The following TNFRSF8 variants were observed in gnomAD, a reference collection of about 807,000 sequenced individuals.
TNFRSF8 encodes TNF receptor superfamily member 8.
TNFRSF8 carries 26 observed loss-of-function variants against 70.8 expected under a neutral mutation model. The observed-to-expected ratio is 0.37, with a 90% CI of 0.27 to 0.51. The LOEUF is 0.51. TNFRSF8 is among the 20% of genes least tolerant of loss of function. The pLI, the probability that TNFRSF8 is intolerant of heterozygous loss-of-function variation, is 0.94. For synonymous variants in TNFRSF8, 356 were observed against 339.2 expected (o/e 1.05, Z -0.54); for missense variants, 720 against 807.9 (o/e 0.89, Z 1.32).
At position 12,112,790 on chromosome 1, in the gene TNFRSF8, C is replaced by T. The variant is rs150379201; in HGVS notation, c.793+776C>T. On this transcript the variant is annotated intron_variant, in intron 7 of 14. Coordinates refer to ENST00000263932, the MANE Select transcript of TNFRSF8 (RefSeq NM_001243.5). This position sits in a 1 kb window ranked among gnomAD's most constrained non-coding sequence, Gnocchi z 5.3. ...TGCCCAGCCCATCACAACCTCCCAG[C>T]GCCAGCAGCACCCCGAGGGGCATGT... Among the ~76,000 whole-genome samples the T allele has an allele frequency of 3.2e-3, 493 of 152,318 alleles. 6 individuals are homozygous for T. The highest frequency in any genetic ancestry group is 0.011 in the African/African-American group (452 of 41,576).
At chr1:12,084,695 T>G in intron 2 of TNFRSF8, 144 bp downstream of exon 2, 1 of 768,480 alleles carries the variant, frequency 1.3e-6, no homozygotes, top group Non-Finnish European at 2.2e-6. Context: ...ATTCCTAGTG[T>G]CGCGGAGTCC....
At chr1:12,127,580 G>A (rs962680337) in intron 12 of TNFRSF8, among the ~76,000 whole-genome samples, 1 of 152,230 alleles carries the variant, frequency 6.6e-6, no homozygotes, top group Non-Finnish European at 1.5e-5. Flanking sequence ...CCTTGCATAG[G>A]CTGACTGTTG....
At position 12,138,520 on chromosome 1, in the gene TNFRSF8, C is replaced by A; in HGVS notation, c.1543+84C>A. ...CGGGGCCCTGGGCCCTGGAAGGGAC[C>A]TGGAGACCCTGGAGTTGAAAGGCCC... On this transcript the variant is annotated intron_variant, in intron 14 of 14. Transcript: ENST00000263932. This position sits in a 1 kb window ranked among gnomAD's most constrained non-coding sequence, Gnocchi z 5.7. 7.6e-7 allele frequency: 1 copy of A among 1,309,122 alleles called. No homozygotes were observed. Among genetic ancestry groups the A allele is most frequent in the Non-Finnish European group, 1.0e-6 (1 of 965,206 alleles). 81.1% of individuals were successfully genotyped at this position (1,309,122 alleles called of 1,614,324 possible). A position where few individuals can be genotyped will look rare whatever the true frequency, so the allele number is the denominator to read the frequency against.
chr1:12,139,347 T>C (rs1407564184), intron 14 of TNFRSF8, among the ~76,000 whole-genome samples: 2 of 152,114 alleles, frequency 1.3e-5, no homozygotes, highest in East Asian at 3.8e-4. Flanking sequence ...CTGTCACTTC[T>C]GAGCTTCTCA....
intron 2 of TNFRSF8, among the ~76,000 whole-genome samples, chr1:12,093,738 A>G (rs1386861663): frequency 6.6e-6 from 1 of 151,974 alleles, no homozygotes; most frequent in Non-Finnish European, 1.5e-5. Context: ...ATGAGGTTTC[A>G]CCATGTTGGT....
At chr1:12,123,922 G>A in intron 10 of TNFRSF8, 95 bp downstream of exon 10, 1 of 1,127,900 alleles carries the variant, frequency 8.9e-7, no homozygotes, top group Non-Finnish European at 1.3e-6. Flanking sequence ...TCTCCTTTGT[G>A]GGTATGGTCT....
At chr1:12,118,790 C>T (rs1380807995) in intron 8 of TNFRSF8, among the ~76,000 whole-genome samples, 1 of 152,186 alleles carries the variant, frequency 6.6e-6, no homozygotes, top group Admixed American at 6.5e-5. Flanking sequence ...TTAAGCCTTG[C>T]CAGCAGAGGG....
At chr1:12,137,640 A>G (rs1274947462) in intron 13 of TNFRSF8, among the ~76,000 whole-genome samples, 1 of 151,472 alleles carries the variant, frequency 6.6e-6, no homozygotes, top group African/African-American at 2.4e-5. Flanking sequence ...TATAGAGGTC[A>G]CCGGGCTTGT....
intron 10 of TNFRSF8, among the ~76,000 whole-genome samples, chr1:12,124,235 C>T (rs548409733): frequency 6.6e-6 from 1 of 152,148 alleles, no homozygotes; most frequent in African/African-American, 2.4e-5. Context: ...TCTCAAACTC[C>T]TGACCTCAGG....
chr1:12,129,281 C>T (rs1014578024), intron 12 of TNFRSF8, among the ~76,000 whole-genome samples: 2 of 152,068 alleles, frequency 1.3e-5, no homozygotes, highest in African/African-American at 4.8e-5. Context: ...TCATTTTGAC[C>T]TGAACCATTT....
rs938248444 is a variant in TNFRSF8, at chr1:12,112,405, T to C, written c.793+391T>C. On this transcript the variant is annotated intron_variant, in intron 7 of 14. Transcript: ENST00000263932. The surrounding 1 kb of genome is among the most constrained non-coding windows in gnomAD (Gnocchi z 5.3). ...GAGCCACTTATTCTTTTTTTTTTTTTCCCAGACAGGGTCTCACTCCTTCAC... is the reference window on the plus strand; with the variant it reads ...GAGCCACTTATTCTTTTTTTTTTTTCCCCAGACAGGGTCTCACTCCTTCAC... Among the ~76,000 whole-genome samples, 14 of 151,560 alleles carry C rather than the reference T, an allele frequency of 9.2e-5. No individual in the cohort carries two copies. The highest frequency in any genetic ancestry group is 2.6e-4 in the Admixed American group (4 of 15,226).
intron 2 of TNFRSF8, 72 bp from the exon 3 acceptor site, chr1:12,097,029 G>A (rs994674693): frequency 3.5e-6 from 4 of 1,144,574 alleles, no homozygotes; most frequent in Non-Finnish European, 5.2e-6. Context: ...AGGGATGAGA[G>A]GTGTGGGGCA....
chr1:12,129,974 G>T (rs1236089403), intron 12 of TNFRSF8, among the ~76,000 whole-genome samples: 1 of 151,454 alleles, frequency 6.6e-6, no homozygotes, highest in Non-Finnish European at 1.5e-5. Context: ...GTGTGATCTC[G>T]GCTTACTGCA....
At position 12,063,774 on chromosome 1, in the gene TNFRSF8, G is replaced by T; in HGVS notation, c.63+113G>T. The stretch of plus-strand genomic sequence containing the variant: ...TCACCCCGTTCCCTGCCCAGCTGGA[G>T]TGAGGGGGCGCGGGTGACAAGCAGG... On this transcript the variant is annotated intron_variant, in intron 1 of 14. Coordinates refer to ENST00000263932, the MANE Select transcript of TNFRSF8 (RefSeq NM_001243.5). The surrounding 1 kb of genome is among the most constrained non-coding windows in gnomAD (Gnocchi z 7.2). 9.7e-7 allele frequency: 1 copy of T among 1,029,828 alleles called. No individual in the cohort carries two copies. Among genetic ancestry groups the T allele is most frequent in the Non-Finnish European group, 1.3e-6 (1 of 798,546 alleles). The allele number at this position is 1,029,828 out of a possible 1,614,324, so 63.8% of individuals were successfully genotyped here. A position where few individuals can be genotyped will look rare whatever the true frequency, so the allele number is the denominator to read the frequency against.
intron 12 of TNFRSF8, among the ~76,000 whole-genome samples, chr1:12,134,756 G>A (rs1028353208): frequency 1.2e-4 from 19 of 152,208 alleles, no homozygotes; most frequent in African/African-American, 3.9e-4. Context: ...CAGGGTCCAG[G>A]TGGCATCTGC....
At position 12,126,340 on chromosome 1, in the gene TNFRSF8, G is replaced by C. The variant is rs11569916; in HGVS notation, c.1309+104G>C. ...GAGACTGAACTTCTACCCCAGCCTC[G>C]AAGCTCCCTGTCTGTGGCTCCTGTC... On this transcript the variant is annotated intron_variant, in intron 12 of 14. Transcript: ENST00000263932. 7.5e-5 allele frequency: 101 copies of C among 1,340,048 alleles called. 1 individual carries two copies. The African/African-American group carries it at 1.0e-3, about 14-fold the overall frequency. The allele number at this position is 1,340,048 out of a possible 1,614,324, so 83.0% of individuals were successfully genotyped here.
At chr1:12,087,584 G>A (rs1163992650) in intron 2 of TNFRSF8, among the ~76,000 whole-genome samples, 1 of 152,184 alleles carries the variant, frequency 6.6e-6, no homozygotes, top group Non-Finnish European at 1.5e-5. Context: ...TAGCCTGATG[G>A]TTGGTGGTGG....
chr1:12,075,479 CT>C (rs1275426750), intron 1 of TNFRSF8, among the ~76,000 whole-genome samples: 1 of 152,114 alleles, frequency 6.6e-6, no homozygotes, highest in Non-Finnish European at 1.5e-5. Flanking sequence ...ATACTCATCT[CT>C]TTTTCTGACT....
At chr1:12,121,226 G>A (rs1557598769) in intron 8 of TNFRSF8, among the ~76,000 whole-genome samples, 1 of 152,242 alleles carries the variant, frequency 6.6e-6, no homozygotes, top group Non-Finnish European at 1.5e-5. Flanking sequence ...GCTAATTCAG[G>A]TAAGAGTCCA....
Sources: allele counts gnomAD v4.1 joint callset (sites outside exome capture counted in the v4.1 genomes callset), GRCh38; gene constraint gnomAD v4.1.1; non-coding constraint Gnocchi (gnomAD v3.1); transcripts MANE v1.5; gene names NCBI Gene and HGNC (gene_info 2026-07-23, HGNC 2026-07-21).